The following ANXA2 variants were observed in gnomAD, a reference collection of about 807,000 sequenced individuals.
ANXA2 encodes annexin II.
ANXA2 carries 28 observed loss-of-function variants against 47.3 expected under a neutral mutation model. The ratio of observed to expected loss-of-function variants is 0.59; its 90% CI spans 0.44 to 0.81. ANXA2 has a LOEUF of 0.81. Among genes scored for constraint, ANXA2 ranks in the 40% least tolerant of loss-of-function variants. The pLI is 0.00. For synonymous variants in ANXA2, 172 were observed against 155.5 expected, an observed-to-expected ratio of 1.11 and a Z score of -0.79; for missense variants, 384 against 414.3, an observed-to-expected ratio of 0.93 and a Z score of 0.64.
At chr15:60,348,166 C>T (rs1895810835) in intron 12 of ANXA2, among the ~76,000 whole-genome samples, 1 of 152,212 alleles carries the variant, frequency 6.6e-6, no homozygotes, top group Admixed American at 6.5e-5. Flanking sequence ...TGACTTTAAA[C>T]ATGTGCCCTA....
chr15:60,388,425 C>T (rs2062961678), intron 1 of ANXA2, among the ~76,000 whole-genome samples: 1 of 152,152 alleles, frequency 6.6e-6, no homozygotes, highest in African/African-American at 2.4e-5. Flanking sequence ...GTTGCCCAGG[C>T]TGGTCTCGAA....
At chr15:60,363,029 C>CAAAAAAAAAAAAAAAAAAAAAAAAAAAAA (rs55992595) in intron 4 of ANXA2, 2 of 74,034 alleles carry the variant, frequency 2.7e-5, no homozygotes, top group Non-Finnish European at 4.8e-5. Flanking sequence ...GACCCTGTCA[C>CAAAAAAAAAAAAAAAAAAAAAAAAAAAAA]AAAAAAAAAA....
chr15:60,355,780 T>G (rs2062419699), intron 7 of ANXA2, 139 bp downstream of exon 7: 1 of 781,024 alleles, frequency 1.3e-6, no homozygotes, highest in Admixed American at 1.9e-5. Context: ...GCAGTGACAG[T>G]GCAAACCCAC....
chr15:60,351,151 G>C (rs1334825386), intron 11 of ANXA2, 42 bp downstream of exon 11: 3 of 1,604,816 alleles, frequency 1.9e-6, no homozygotes, highest in Middle Eastern at 1.7e-4. Context: ...AAGAAGAAAA[G>C]CTGAGTGTGG....
At chr15:60,387,841 G>C (rs1040102795) in intron 1 of ANXA2, among the ~76,000 whole-genome samples, 48 of 152,134 alleles carry the variant, frequency 3.2e-4, no homozygotes, top group African/African-American at 1.2e-3. Flanking sequence ...GGGGAACATG[G>C]GCATTCTTTG....
At position 60,352,439 on chromosome 15, in the gene ANXA2, T is replaced by A; in HGVS notation, c.626A>T (p.Asp209Val). 6.2e-7 allele frequency: 1 copy of A among 1,613,768 alleles called. No homozygotes were observed. The highest frequency in any genetic ancestry group is 8.5e-7 in the Non-Finnish European group (1 of 1,179,820). ...CATGATGCTGATCCACTTGGGAACA[T>A]CAGTTCCTTTCCTCTTCACTCCAGC... ...YDAGVKRKGT[D>V]VPKWISIMTE... Residue 209 changes from aspartate to valine, a missense_variant, in exon 9 of 13, where the codon GAT becomes GTT. Coordinates refer to ENST00000451270, the MANE Select transcript of ANXA2 (RefSeq NM_004039.3). This position sits in a 1 kb window ranked among gnomAD's most constrained non-coding sequence, Gnocchi z 4.2.
intron 5 of ANXA2, among the ~76,000 whole-genome samples, chr15:60,360,666 G>C (rs2062499636): frequency 6.6e-6 from 1 of 152,206 alleles, no homozygotes; most frequent in Non-Finnish European, 1.5e-5. Flanking sequence ...AATCAAGGAA[G>C]TAGTTTTCCC....
At chr15:60,373,508 G>A (rs2062737441) in intron 3 of ANXA2, among the ~76,000 whole-genome samples, 1 of 152,186 alleles carries the variant, frequency 6.6e-6, no homozygotes, top group African/African-American at 2.4e-5. Flanking sequence ...AACCCCTGCT[G>A]TAAAAGTTGC....
intron 12 of ANXA2, 119 bp downstream of exon 12, chr15:60,348,956 C>T (rs1895856596): frequency 1.7e-6 from 2 of 1,200,852 alleles, no homozygotes; most frequent in African/African-American, 3.0e-5. Flanking sequence ...ACTAGCATCT[C>T]TTCCCCAGAG....
intron 3 of ANXA2, among the ~76,000 whole-genome samples, chr15:60,378,560 C>T (rs895145159): frequency 2.0e-5 from 3 of 152,134 alleles, no homozygotes; most frequent in Non-Finnish European, 2.9e-5. Flanking sequence ...ATTCTTTCTT[C>T]GCAATAGTTC....
At chr15:60,351,537 A>G in intron 10 of ANXA2, 187 bp downstream of exon 10, 1 of 623,232 alleles carries the variant, frequency 1.6e-6, no homozygotes, top group Non-Finnish European at 2.9e-6. Flanking sequence ...CCTGGCAACA[A>G]TCTGTTACCA....
intron 11 of ANXA2, among the ~76,000 whole-genome samples, chr15:60,349,869 G>A (rs1400916890): frequency 3.1e-4 from 37 of 119,766 alleles, no homozygotes; most frequent in African/African-American, 1.1e-3. Flanking sequence ...CAGGGAGGCA[G>A]GGGAAGGCAA....
intron 11 of ANXA2, among the ~76,000 whole-genome samples, chr15:60,350,855 T>C (rs936843176): frequency 6.6e-6 from 1 of 152,224 alleles, no homozygotes; most frequent in East Asian, 1.9e-4. Context: ...TGCTTAATAA[T>C]CGCTCCCTTC....
chr15:60,397,769 G>C, intron 1 of ANXA2, 174 bp downstream of exon 1: 1 of 1,059,922 alleles, frequency 9.4e-7, no homozygotes, highest in Non-Finnish European at 1.2e-6. Context: ...CCTTGTCCCT[G>C]AGCCCCCTCC....
chr15:60,368,124 AAG>A (rs1399461837), intron 3 of ANXA2, among the ~76,000 whole-genome samples: 1 of 141,714 alleles, frequency 7.1e-6, no homozygotes, highest in Non-Finnish European at 1.5e-5. Flanking sequence ...CATGCTCGTT[AAG>A]AGTCATCACC....
chr15:60,376,223 C>CA (rs570132886), intron 3 of ANXA2, among the ~76,000 whole-genome samples: 99 of 149,922 alleles, frequency 6.6e-4, no homozygotes, highest in Middle Eastern at 3.4e-3. Flanking sequence ...ACTAAAAATG[C>CA]AAAAAAAAAT....
rs2062388822 is a variant in ANXA2, at chr15:60,354,124, A to C, written c.588+30T>G. 4 of 1,606,706 alleles carry C rather than the reference A, an allele frequency of 2.5e-6. No individual in the cohort carries two copies. In the East Asian group the frequency reaches 8.9e-5, roughly 36 times the overall value. On this transcript the variant is annotated intron_variant, in intron 8 of 12. Coordinates refer to ENST00000451270, the MANE Select transcript of ANXA2 (RefSeq NM_004039.3). The stretch of plus-strand genomic sequence containing the variant: ...CTATCCAGAGACTTACCAGAAAACA[A>C]AAACTCAAAGCAAAAAGCTCAGCAC...
At chr15:60,392,224 AAGCTCAC>A (rs1176899409) in intron 1 of ANXA2, among the ~76,000 whole-genome samples, 1 of 152,192 alleles carries the variant, frequency 6.6e-6, no homozygotes, top group Non-Finnish European at 1.5e-5. Context: ...CTGGCTAAAA[AAGCTCAC>A]AGTGCAAGGC....
chr15:60,354,030 A>T, intron 8 of ANXA2, 124 bp downstream of exon 8: 1 of 669,242 alleles, frequency 1.5e-6, no homozygotes, highest in Admixed American at 3.0e-5. Context: ...GAGAAATAAT[A>T]CATGTTTGTT....
Sources: allele counts gnomAD v4.1 joint callset (sites outside exome capture counted in the v4.1 genomes callset), GRCh38; gene constraint gnomAD v4.1.1; non-coding constraint Gnocchi (gnomAD v3.1); transcripts MANE v1.5; gene names NCBI Gene and HGNC (gene_info 2026-07-23, HGNC 2026-07-21).